CA6: variants seen among roughly 807,000 people sequenced by gnomAD.
The protein encoded by CA6 is carbonate dehydratase VI.
Under a neutral mutation model 35.9 loss-of-function variants are expected in CA6, and 28 were observed. That is an observed-to-expected ratio of 0.78 (90% CI 0.58 to 1.07). The LOEUF (loss-of-function observed/expected upper bound fraction) is 1.07, where lower values mean the gene tolerates loss of function less well. CA6 is among the 50% of genes least tolerant of loss of function. CA6 has a pLI of 0.00. For synonymous variants in CA6, 148 were observed against 152.6 expected (o/e 0.97, Z 0.22); for missense variants, 377 against 382.0 (o/e 0.99, Z 0.11).
chr1:8,957,632 T>G (rs549481222), intron 3 of CA6, among the ~76,000 whole-genome samples: 2 of 150,296 alleles, frequency 1.3e-5, no homozygotes, highest in Admixed American at 1.3e-4. Flanking sequence ...TGAGCCACAG[T>G]GCCCAGCCGT....
chr1:8,958,495 T>C (rs1029124468), intron 3 of CA6, among the ~76,000 whole-genome samples: 51 of 152,330 alleles, frequency 3.3e-4, no homozygotes, highest in Admixed American at 3.3e-3. Context: ...GTTACCTCTT[T>C]TGCCAGAATC....
At chr1:8,957,484 G>A (rs1042631740) in intron 3 of CA6, among the ~76,000 whole-genome samples, 199 bp downstream of exon 3, 2 of 152,124 alleles carry the variant, frequency 1.3e-5, no homozygotes, top group African/African-American at 2.4e-5. Context: ...GGGATTACAG[G>A]CACCCGCCAC....
chr1:8,974,288 G>A (rs192896447), intron 7 of CA6: 37 of 1,171,702 alleles, frequency 3.2e-5, no homozygotes, highest in South Asian at 2.6e-4. Flanking sequence ...AAAACAAGAC[G>A]ATGGCCAAAT....
At chr1:8,965,702 A>G (rs552302795) in intron 5 of CA6, among the ~76,000 whole-genome samples, 4 of 152,134 alleles carry the variant, frequency 2.6e-5, no homozygotes, top group Non-Finnish European at 5.9e-5. Context: ...AGCCTGGCCA[A>G]CATGGTGAAA....
chr1:8,957,230 C>T lies in CA6; in HGVS notation c.353C>T (p.Ser118Phe). ...QQMHFHWGGA[S>F]SEISGSEHTV... is the part of the protein sequence containing the mutation. ...ATGCACTTTCACTGGGGAGGTGCGT[C>T]CTCGGAGATCAGCGGCTCTGAGCAC... The change falls in exon 3 of 8, where the codon TCC (serine) becomes TTC (phenylalanine). Residue 118 changes from serine (S) to phenylalanine (F), a missense_variant. By Grantham distance (155) the Ser-to-Phe change is radical (BLOSUM62 -2). Transcript: ENST00000377443. The T allele has an allele frequency of 6.2e-7, 1 of 1,614,098 alleles. No individual in the cohort carries two copies. The highest frequency in any genetic ancestry group is 8.5e-7 in the Non-Finnish European group (1 of 1,179,996).
At chr1:8,973,444 A>G (rs1640159351) in intron 7 of CA6, among the ~76,000 whole-genome samples, 1 of 152,172 alleles carries the variant, frequency 6.6e-6, no homozygotes, top group Non-Finnish European at 1.5e-5. Flanking sequence ...TGCTTTTTCC[A>G]CTACAGCGTC....
intron 7 of CA6, among the ~76,000 whole-genome samples, chr1:8,973,714 T>C (rs199763446): frequency 0.023 from 199 of 8,702 alleles, no homozygotes; most frequent in East Asian, 0.16. Flanking sequence ...TTCTCTCTCT[T>C]TCTTTCTTTC....
chr1:8,957,237 G>C lies in CA6; in HGVS notation c.360G>C (p.Glu120Asp), dbSNP rs2124262720. 3 of 1,614,162 alleles carry C rather than the reference G, an allele frequency of 1.9e-6. No homozygotes were observed. Among genetic ancestry groups the C allele is most frequent in the Non-Finnish European group, 2.5e-6 (3 of 1,180,016 alleles). Residue 120 changes from glutamate (E) to aspartate (D), a missense_variant, in exon 3 of 8, where the codon GAG becomes GAC. Transcript: ENST00000377443. ...MHFHWGGASS[E>D]ISGSEHTVDG... ...TTCACTGGGGAGGTGCGTCCTCGGA[G>C]ATCAGCGGCTCTGAGCACACCGTGG...
chr1:8,957,263 A>G lies in CA6; in HGVS notation c.386A>G (p.Asp129Gly). Reference sequence around the variant, plus strand: ...ATCAGCGGCTCTGAGCACACCGTGGACGGGATCAGACATGTGATCGAGGTA... The same window carrying G: ...ATCAGCGGCTCTGAGCACACCGTGGGCGGGATCAGACATGTGATCGAGGTA... Reference protein sequence around the residue: ...SEISGSEHTVDGIRHVIEIHI... With the variant: ...SEISGSEHTVGGIRHVIEIHI... The change falls in exon 3 of 8, where the codon GAC becomes GGC. Residue 129 changes from aspartate to glycine, a missense_variant. Asp to Gly is a moderately conservative substitution (Grantham distance 94, BLOSUM62 -1). Transcript: ENST00000377443. 6.2e-7 allele frequency: 1 copy of G among 1,613,486 alleles called. No homozygotes were observed. Among genetic ancestry groups the G allele is most frequent in the African/African-American group, 1.3e-5 (1 of 75,012 alleles).
chr1:8,972,575 G>A (rs1026431597), intron 7 of CA6, among the ~76,000 whole-genome samples: 1 of 152,068 alleles, frequency 6.6e-6, no homozygotes, highest in Admixed American at 6.5e-5. Context: ...GGGAGGCTGA[G>A]ACTGGGGAGG....
At chr1:8,966,179 G>A (rs1639962490) in intron 5 of CA6, among the ~76,000 whole-genome samples, 2 of 151,646 alleles carry the variant, frequency 1.3e-5, no homozygotes, top group Middle Eastern at 3.2e-3. Flanking sequence ...CCTTGATCTC[G>A]GCTCACTGCA....
At chr1:8,950,371 C>A (rs1173195951) in intron 2 of CA6, among the ~76,000 whole-genome samples, 3 of 152,064 alleles carry the variant, frequency 2.0e-5, no homozygotes, top group Non-Finnish European at 2.9e-5. Flanking sequence ...TCATGACCAC[C>A]CCAGGAGGGG....
At chr1:8,960,091 C>T (rs1031623863) in intron 4 of CA6, among the ~76,000 whole-genome samples, 4 of 151,996 alleles carry the variant, frequency 2.6e-5, no homozygotes, top group East Asian at 3.9e-4. Flanking sequence ...AGTAGCCAGG[C>T]GTGGTGACGC....
intron 2 of CA6, among the ~76,000 whole-genome samples, chr1:8,956,167 G>A (rs1188027294): frequency 6.6e-6 from 1 of 152,100 alleles, no homozygotes; most frequent in Non-Finnish European, 1.5e-5. Context: ...AGGTTGCAGT[G>A]AGCCTAGATC....
chr1:8,946,039 C>CT, intron 1 of CA6, 74 bp downstream of exon 1: 1 of 871,828 alleles, frequency 1.1e-6, no homozygotes, highest in South Asian at 1.5e-5. Flanking sequence ...CCTTCTTCTT[C>CT]TTCTTTTTTT....
chr1:8,951,906 A>C, intron 2 of CA6: 1 of 203,788 alleles, frequency 4.9e-6, no homozygotes, highest in Non-Finnish European at 9.5e-6. Flanking sequence ...TGAAACCTCC[A>C]CTTCCCAGAT....
chr1:8,948,691 C>A (rs113056953), intron 1 of CA6, among the ~76,000 whole-genome samples: 1 of 151,930 alleles, frequency 6.6e-6, no homozygotes, highest in Non-Finnish European at 1.5e-5. Context: ...ACTCTCAGGC[C>A]GGGCACGGTG....
intron 2 of CA6, among the ~76,000 whole-genome samples, chr1:8,954,330 A>C (rs532694000): frequency 6.6e-6 from 1 of 152,136 alleles, no homozygotes; most frequent in African/African-American, 2.4e-5. Context: ...ATGCTCCATT[A>C]AGTTTTATAA....
chr1:8,970,825 C>A, intron 6 of CA6, 42 bp from the exon 7 acceptor site: 1 of 1,195,546 alleles, frequency 8.4e-7, no homozygotes, highest in Non-Finnish European at 1.3e-6. Context: ...TTAAATTACC[C>A]AGTGACTCTT....
Sources: allele counts gnomAD v4.1 joint callset (sites outside exome capture counted in the v4.1 genomes callset), GRCh38; gene constraint gnomAD v4.1.1; transcripts MANE v1.5; gene names NCBI Gene and HGNC (gene_info 2026-07-23, HGNC 2026-07-21).